MYH3: variants seen among roughly 807,000 people sequenced by gnomAD.
The protein encoded by MYH3 is myosin heavy chain 3, also known as myosin-3.
In MYH3, 130 loss-of-function variants were observed where a neutral mutation model predicts 238.0. The ratio of observed to expected loss-of-function variants is 0.55; its 90% confidence interval spans 0.47 to 0.63. MYH3 has a LOEUF of 0.63. Ranked by LOEUF, MYH3 falls within the 30% of genes least tolerant of loss-of-function variation. The pLI, the probability that MYH3 is intolerant of heterozygous loss-of-function variation, is 0.00. For synonymous variants in MYH3, 880 were observed against 924.1 expected (o/e 0.95, Z 0.86); for missense variants, 1,853 against 2,374.9 (o/e 0.78, Z 4.57).
At chr17:10,659,873 G>A (rs570218088), upstream of MYH3, among the ~76,000 whole-genome samples, 50 of 152,342 alleles carry the variant, frequency 3.3e-4, no homozygotes, top group South Asian at 1.2e-3. Flanking sequence ...GAGAAATCCC[G>A]CAGTGGCTGG....
In MYH3 at chr17:10,644,518, A is replaced by G. The variant is rs755427424; in HGVS notation, c.1261-18T>C. On this transcript the variant is annotated intron_variant, in intron 13 of 40. Coordinates refer to ENST00000583535, the MANE Select transcript of MYH3 (RefSeq NM_002470.4). ...TGGTGAACCTATCAGGGGAAAGATC[A>G]GCTACTGGATATGAAGGAAGTGGCC... The G allele has an allele frequency of 1.4e-5, 23 of 1,614,046 alleles. No homozygotes were observed. The South Asian group carries it at 2.5e-4, about 18-fold the overall frequency.
At position 10,640,085 on chromosome 17, in the gene MYH3, C is replaced by A. The variant is rs749135269; in HGVS notation, c.2593G>T (p.Ala865Ser). The change falls in exon 22 of 41, where the codon GCC becomes TCC. Residue 865 changes from alanine (A) to serine (S), a missense_variant. Around this residue, in one of 3 missense-constraint regions of MYH3, gnomAD observed 678 missense variants for 1,058.9 expected, o/e 0.64. Transcript: ENST00000583535. Reference sequence around the variant, plus strand: ...TCCTTCCTTTTTGCCTCCGACTTGGCGAGTTCATCTTTGGTTTTCTGGAAT... The same window carrying A: ...TCCTTCCTTTTTGCCTCCGACTTGGAGAGTTCATCTTTGGTTTTCTGGAAT... ...EEFQKTKDEL[A>S]KSEAKRKELE... 1.2e-6 allele frequency: 2 copies of A among 1,614,132 alleles called. No homozygotes were observed. Among genetic ancestry groups the A allele is most frequent in the Non-Finnish European group, 8.5e-7 (1 of 1,180,024 alleles).
chr17:10,657,589 G>A (rs963070412), upstream of MYH3, among the ~76,000 whole-genome samples: 1 of 152,190 alleles, frequency 6.6e-6, no homozygotes, highest in African/African-American at 2.4e-5. Context: ...ACTCCAGGAG[G>A]AGTTGCGGGG....
In MYH3 at chr17:10,639,193, A is replaced by C; in HGVS notation, c.3103-4T>G. 1 of 1,614,136 alleles carries C rather than the reference A, an allele frequency of 6.2e-7. No individual in the cohort carries two copies. Among genetic ancestry groups the C allele is most frequent in the Non-Finnish European group, 8.5e-7 (1 of 1,180,000 alleles). ...CTTGTTCTAGGGAGCTTTCCAGCTGAAAAAGGCACCATTTCCTTTTGGGAA... is the reference window on the plus strand; with the variant it reads ...CTTGTTCTAGGGAGCTTTCCAGCTGCAAAAGGCACCATTTCCTTTTGGGAA... On this transcript the variant is annotated splice_region_variant and splice_polypyrimidine_tract_variant and intron_variant, in intron 24 of 40. Transcript: ENST00000583535.
intron 36 of MYH3, among the ~76,000 whole-genome samples, chr17:10,631,104 T>A (rs570277624): frequency 2.0e-5 from 3 of 152,230 alleles, no homozygotes; most frequent in Non-Finnish European, 4.4e-5. Context: ...TCAAAGGAGC[T>A]TGAGACTTAG....
At chr17:10,653,004 C>T (rs905159744) in intron 3 of MYH3, among the ~76,000 whole-genome samples, 1 of 152,092 alleles carries the variant, frequency 6.6e-6, no homozygotes, top group Non-Finnish European at 1.5e-5. Flanking sequence ...CTAGAACAAG[C>T]CCAGCTCACA....
chr17:10,647,014 C>T (rs1448861517), intron 10 of MYH3, among the ~76,000 whole-genome samples, 168 bp downstream of exon 10: 1 of 152,186 alleles, frequency 6.6e-6, no homozygotes, highest in Non-Finnish European at 1.5e-5. Context: ...TGTGCCACTG[C>T]ACCCCAGCCT....
chr17:10,646,121 C>G, intron 10 of MYH3, 89 bp from the exon 11 acceptor site: 1 of 1,017,930 alleles, frequency 9.8e-7, no homozygotes, highest in Non-Finnish European at 1.5e-6. Flanking sequence ...TGGGCTGGAA[C>G]TTTTACCGCT....
At chr17:10,652,908 A>G (rs1171790970) in intron 3 of MYH3, among the ~76,000 whole-genome samples, 2 of 151,908 alleles carry the variant, frequency 1.3e-5, no homozygotes, top group East Asian at 3.9e-4. Flanking sequence ...GGTGTGAGGC[A>G]CCGTGCCTGG....
At chr17:10,630,026 C>T (rs1447446232) in intron 38 of MYH3, 66 bp downstream of exon 38, 2 of 1,605,766 alleles carry the variant, frequency 1.2e-6, no homozygotes, top group East Asian at 2.2e-5. Context: ...AGTGTTTCTT[C>T]CTGTGGTTTG....
At chr17:10,674,334 C>T in the MYH3 span, 262 of 173,870 alleles carry the variant, frequency 1.5e-3, 1 homozygote, top group African/African-American at 5.8e-3. Context: ...GCTGAGGCAG[C>T]AGAATCACTT....
At chr17:10,641,411 AGGTTTTTAT>A in intron 17 of MYH3, 39 bp from the exon 18 acceptor site, 1 of 1,439,228 alleles carries the variant, frequency 6.9e-7, no homozygotes, top group South Asian at 1.1e-5. Flanking sequence ...ATCCTACTGT[AGGTTTTTAT>A]GAAGACAGAG....
At chr17:10,644,022 T>C (rs945506446) in intron 14 of MYH3, among the ~76,000 whole-genome samples, 4 of 151,898 alleles carry the variant, frequency 2.6e-5, no homozygotes, top group Admixed American at 6.6e-5. Flanking sequence ...TAGCCAGGCA[T>C]GGTGGCACAC....
chr17:10,629,661 G>A lies in MYH3; in HGVS notation c.5732C>T (p.Ala1911Val), dbSNP rs1439372634. ...GTTGACTTGAGATTCTGCGATATCC[G>A]CACGTTCCTCGGCCTCCTCCAGCTC... ...QHELEEAEERADIAESQVNKL... is the reference protein window; with the variant it reads ...QHELEEAEERVDIAESQVNKL... Residue 1911 changes from alanine to valine, a missense_variant, in exon 40 of 41, where the codon GCG becomes GTG. Ala to Val is a moderately conservative substitution (Grantham distance 64). Around this residue, in one of 3 missense-constraint regions of MYH3, gnomAD observed 1,044 missense variants for 1,192.6 expected, o/e 0.88. Coordinates refer to ENST00000583535, the MANE Select transcript of MYH3 (RefSeq NM_002470.4). 1.2e-6 allele frequency: 2 copies of A among 1,614,064 alleles called. No homozygotes were observed. Among genetic ancestry groups the A allele is most frequent in the African/African-American group, 1.3e-5 (1 of 74,930 alleles).
At position 10,654,662 on chromosome 17, in the gene MYH3, T is replaced by C. The variant is rs182525422; in HGVS notation, c.204+199A>G. Among the ~76,000 whole-genome samples the C allele has an allele frequency of 4.1e-3, 631 of 152,298 alleles. 5 individuals are homozygous for C. Among genetic ancestry groups the C allele is most frequent in the African/African-American group, 0.015 (611 of 41,546 alleles). ...GTTTTAATCAGCCACAGCCAGACTC[T>C]ATTCCCACCCTGGAACCTGAGGCCA... On this transcript the variant is annotated intron_variant, in intron 3 of 40. Coordinates refer to ENST00000583535, the MANE Select transcript of MYH3 (RefSeq NM_002470.4). The surrounding 1 kb of genome is among the most constrained non-coding windows in gnomAD (Gnocchi z 4.5).
the MYH3 span, chr17:10,673,739 A>T: frequency 6.6e-6 from 1 of 152,232 alleles, no homozygotes; most frequent in Admixed American, 6.5e-5. Context: ...CTGAGCCCCG[A>T]TAAGGCCCCA....
chr17:10,644,793 G>T, intron 12 of MYH3, 91 bp from the exon 13 acceptor site: 1 of 1,003,812 alleles, frequency 1.0e-6, no homozygotes, highest in Non-Finnish European at 1.6e-6. Context: ...AGTTCATCTT[G>T]GTACATTGTG....
At chr17:10,676,080 G>T in the MYH3 span, 1 of 152,120 alleles carries the variant, frequency 6.6e-6, no homozygotes, top group Non-Finnish European at 1.5e-5. Flanking sequence ...TGATGAAACT[G>T]TGGTTGTTTT....
rs769788909 is a variant in MYH3 at position 10,644,436 on chromosome 17, G to A, written c.1325C>T (p.Thr442Ile). 102 of 1,613,910 alleles carry A rather than the reference G, an allele frequency of 6.3e-5. No individual in the cohort carries two copies. Among genetic ancestry groups the A allele is most frequent in the Admixed American group, 2.0e-4 (12 of 60,004 alleles). Residue 442 changes from threonine (T) to isoleucine (I), a missense_variant, in exon 14 of 41, where the codon ACT (threonine) becomes ATT (isoleucine). Around this residue, in one of 3 missense-constraint regions of MYH3, gnomAD observed 678 missense variants for 1,058.9 expected, o/e 0.64. Transcript: ENST00000583535. ...VYEKLFLWMVTRINQQLDTKL... is the reference protein window; with the variant it reads ...VYEKLFLWMVIRINQQLDTKL... ...CGTATCCAGTTGCTGGTTAATGCGA[G>A]TGACCATCCACAAGAACAACTTTTC...
Sources: allele counts gnomAD v4.1 joint callset (sites outside exome capture counted in the v4.1 genomes callset), GRCh38; gene constraint gnomAD v4.1.1; regional missense constraint gnomAD v4.1.1; non-coding constraint Gnocchi (gnomAD v3.1); transcripts MANE v1.5; gene names NCBI Gene and HGNC (gene_info 2026-07-23, HGNC 2026-07-21).